INSL6: variants seen among roughly 807,000 people sequenced by gnomAD.
INSL6 encodes insulin like 6.
In INSL6, 16 loss-of-function variants were observed where a neutral mutation model predicts 9.4. That is an observed-to-expected ratio of 1.70 (90% CI 1.15 to 2.59). The LOEUF is 2.59. INSL6 is among the 30% of genes most tolerant of loss of function. The pLI is 0.00. For missense variants in INSL6, 391 were observed against 257.3 expected (o/e 1.52, Z -3.56); for synonymous variants, 154 against 96.9 (o/e 1.59, Z -3.46).
chr9:5,044,462 C>G, the INSL6 span: 1 of 1,613,368 alleles, frequency 6.2e-7, no homozygotes, highest in Non-Finnish European at 8.5e-7. Flanking sequence ...CATGGAATAT[C>G]TCGAGGTGCT....
chr9:5,084,967 T>C, the INSL6 span: 3 of 739,660 alleles, frequency 4.1e-6, no homozygotes, highest in Admixed American at 3.7e-5. Context: ...CAGTCTGAGA[T>C]AGCTGCCAGA....
At chr9:5,020,180 T>A in the INSL6 span, among the ~76,000 whole-genome samples, 1 of 152,080 alleles carries the variant, frequency 6.6e-6, no homozygotes, top group African/African-American at 2.4e-5. Context: ...GTGACGGCGA[T>A]TGGCTGGGTA....
At chr9:5,044,636 C>T in the INSL6 span, 4 of 589,370 alleles carry the variant, frequency 6.8e-6, no homozygotes, top group South Asian at 2.4e-5. Context: ...CTGTCTTGCA[C>T]AGCAGGTGCA....
downstream of INSL6, among the ~76,000 whole-genome samples, chr9:5,160,001 C>G (rs1335946954): frequency 2.0e-5 from 3 of 151,888 alleles, no homozygotes. Flanking sequence ...ATGGTGAAAC[C>G]CCATCTCTAT....
At chr9:5,101,653 G>A in the INSL6 span, among the ~76,000 whole-genome samples, 1 of 152,208 alleles carries the variant, frequency 6.6e-6, no homozygotes, top group African/African-American at 2.4e-5. Context: ...ATACAGGTGG[G>A]TGCCTGTCTG....
At chr9:5,161,099 C>T (rs1387728549), downstream of INSL6, among the ~76,000 whole-genome samples, 1 of 152,108 alleles carries the variant, frequency 6.6e-6, no homozygotes, top group Non-Finnish European at 1.5e-5. Flanking sequence ...ACCAATATTA[C>T]TCTGATACCA....
chr9:5,172,476 A>G (rs191773426), intron 1 of INSL6, among the ~76,000 whole-genome samples: 7 of 152,256 alleles, frequency 4.6e-5, no homozygotes, highest in Admixed American at 2.0e-4. Context: ...TAATTAAACT[A>G]AAGAACTTCT....
the INSL6 span, chr9:5,112,435 CA>C: frequency 7.7e-6 from 4 of 517,934 alleles, no homozygotes; most frequent in Non-Finnish European, 1.4e-5. Flanking sequence ...GCTGACCACT[CA>C]AGAGGAGAAG....
At chr9:5,094,088 C>G in the INSL6 span, 3 of 152,138 alleles carry the variant, frequency 2.0e-5, no homozygotes, top group Non-Finnish European at 2.9e-5. Context: ...TTCAACTCCC[C>G]TTCTTAACAA....
chr9:5,056,741 A>G, the INSL6 span, among the ~76,000 whole-genome samples: 1 of 152,292 alleles, frequency 6.6e-6, no homozygotes, highest in South Asian at 2.1e-4. Flanking sequence ...CTCAATGTGG[A>G]TATATAATAA....
At chr9:5,003,343 C>T in the INSL6 span, among the ~76,000 whole-genome samples, 8 of 152,000 alleles carry the variant, frequency 5.3e-5, no homozygotes, top group Middle Eastern at 3.4e-3. Flanking sequence ...TTTCTGTATT[C>T]TTATATCAGC....
chr9:5,106,694 A>G, the INSL6 span, among the ~76,000 whole-genome samples: 2 of 152,110 alleles, frequency 1.3e-5, no homozygotes, highest in African/African-American at 2.4e-5. Flanking sequence ...TATGCCACAA[A>G]TATCCCAAGG....
the INSL6 span, among the ~76,000 whole-genome samples, chr9:5,042,831 G>T: frequency 1.6e-3 from 242 of 152,312 alleles, 3 homozygotes; most frequent in African/African-American, 5.5e-3. Flanking sequence ...AGCCAGCCCC[G>T]CAACCAAAAT....
At chr9:5,041,235 A>G in the INSL6 span, 8 of 1,469,790 alleles carry the variant, frequency 5.4e-6, no homozygotes, top group African/African-American at 6.9e-5. Context: ...CCGGGGACCA[A>G]GCGGCAGCAC....
At chr9:5,034,097 T>G in the INSL6 span, among the ~76,000 whole-genome samples, 1 of 152,066 alleles carries the variant, frequency 6.6e-6, no homozygotes, top group Non-Finnish European at 1.5e-5. Flanking sequence ...AATCCTAGTC[T>G]CGGATAAAAC....
the INSL6 span, among the ~76,000 whole-genome samples, chr9:5,063,226 A>G: frequency 6.6e-6 from 1 of 152,176 alleles, no homozygotes; most frequent in African/African-American, 2.4e-5. Context: ...TCCAGGAGTT[A>G]ATTATTGCTT....
At chr9:5,150,991 T>C (rs1824702418) in intron 2 of INSL6, among the ~76,000 whole-genome samples, 1 of 152,180 alleles carries the variant, frequency 6.6e-6, no homozygotes, top group African/African-American at 2.4e-5. Flanking sequence ...GAAAGTTAGA[T>C]GCTGCCTGTT....
chr9:5,100,732 C>T, the INSL6 span: 7 of 152,230 alleles, frequency 4.6e-5, no homozygotes, highest in East Asian at 1.9e-4. Flanking sequence ...CTATCCATCA[C>T]GATTACCTTA....
the INSL6 span, among the ~76,000 whole-genome samples, chr9:5,050,332 G>T: frequency 6.6e-6 from 1 of 152,288 alleles, no homozygotes; most frequent in Admixed American, 6.5e-5. Flanking sequence ...GTCTTGGTCT[G>T]TTACCCAGAC....
Sources: allele counts gnomAD v4.1 joint callset (sites outside exome capture counted in the v4.1 genomes callset), GRCh38; gene constraint gnomAD v4.1.1; transcripts MANE v1.5; gene names NCBI Gene and HGNC (gene_info 2026-07-23, HGNC 2026-07-21).